Variants in TANGO6 observed in about 807,000 individuals in gnomAD.
TANGO6 encodes transport and Golgi organization protein 6 homolog.
TANGO6 carries 90 observed loss-of-function variants against 114.2 expected under a neutral mutation model. The ratio of observed to expected loss-of-function variants is 0.79; its 90% CI spans 0.66 to 0.94. TANGO6 has a LOEUF of 0.94. TANGO6 is among the 40% of genes least tolerant of loss of function. The probability of loss-of-function intolerance (pLI) is 0.00; values close to 1 mark genes in which losing one functional copy is unlikely to be tolerated. For synonymous variants in TANGO6, 477 were observed against 509.8 expected (o/e 0.94, Z 0.87); for missense variants, 1,274 against 1,315.3 (o/e 0.97, Z 0.49).
intron 15 of TANGO6, among the ~76,000 whole-genome samples, chr16:68,989,361 A>G (rs1033005125): frequency 1.3e-5 from 2 of 150,832 alleles, no homozygotes; most frequent in African/African-American, 2.4e-5. Flanking sequence ...ATCTATCTTT[A>G]GGTACATGGA....
chr16:68,919,031 T>C lies in TANGO6; in HGVS notation c.1993-54T>C, dbSNP rs1217411476. The C allele has an allele frequency of 5.1e-6, 8 of 1,563,188 alleles. No homozygotes were observed. The East Asian group carries it at 6.9e-5, about 13-fold the overall frequency. ...ATGTAGACATAAGATGTAAGGAGAA[T>C]TATGATTTTTTTTTTTCATTCCTCA... On this transcript the variant is annotated intron_variant, in intron 11 of 17. Transcript: ENST00000261778.
At chr16:69,009,909 AATT>A (rs1429042826) in intron 15 of TANGO6, among the ~76,000 whole-genome samples, 1 of 152,176 alleles carries the variant, frequency 6.6e-6, no homozygotes, top group Non-Finnish European at 1.5e-5. Flanking sequence ...GCTTGAAGTG[AATT>A]AAATTATTTC....
intron 1 of TANGO6, among the ~76,000 whole-genome samples, chr16:68,846,153 G>A (rs535980426): frequency 6.6e-6 from 1 of 152,200 alleles, no homozygotes; most frequent in South Asian, 2.1e-4. Context: ...AGCCTCCCGA[G>A]TAGCTGGGAT....
chr16:68,996,919 G>A (rs1262846785), intron 15 of TANGO6, among the ~76,000 whole-genome samples: 1 of 152,094 alleles, frequency 6.6e-6, no homozygotes, highest in Admixed American at 6.5e-5. Flanking sequence ...AAGATACACA[G>A]AAAAAGACTC....
At chr16:68,910,464 T>C (rs1317367395) in intron 11 of TANGO6, among the ~76,000 whole-genome samples, 3 of 152,122 alleles carry the variant, frequency 2.0e-5, no homozygotes, top group Admixed American at 6.6e-5. Flanking sequence ...GAAGGGGAAA[T>C]GGTCTAAAAA....
intron 11 of TANGO6, among the ~76,000 whole-genome samples, chr16:68,916,762 A>G (rs182109116): frequency 3.1e-4 from 47 of 152,084 alleles, no homozygotes; most frequent in African/African-American, 1.1e-3. Context: ...GTTTTTTTTT[A>G]GAGCAGTTTT....
At chr16:68,881,186 G>A (rs1962456756) in intron 7 of TANGO6, among the ~76,000 whole-genome samples, 1 of 152,144 alleles carries the variant, frequency 6.6e-6, no homozygotes, top group South Asian at 2.1e-4. Flanking sequence ...TCTCTAACTG[G>A]CAAATGCCGC....
At chr16:68,934,620 G>C (rs1338753736) in intron 14 of TANGO6, among the ~76,000 whole-genome samples, 3 of 152,154 alleles carry the variant, frequency 2.0e-5, no homozygotes, top group Non-Finnish European at 4.4e-5. Context: ...CATAAGTTGT[G>C]CTTATGGAAG....
intron 17 of TANGO6, among the ~76,000 whole-genome samples, chr16:69,058,870 GT>G (rs1004010659): frequency 4.1e-5 from 6 of 147,794 alleles, no homozygotes; most frequent in Non-Finnish European, 7.4e-5. Context: ...GTTTCACCGT[GT>G]TAGCCAGAAT....
Position 68,867,170 on chromosome 16 carries a change from G to C in TANGO6, c.944G>C (p.Arg315Thr), listed in dbSNP as rs1391252153. ...CAGCTGCTCTCTGAAAGGTTAATGAGACCTAATGGTGTTCAGGCAGTAGTC... is the reference window on the plus strand; with the variant it reads ...CAGCTGCTCTCTGAAAGGTTAATGACACCTAATGGTGTTCAGGCAGTAGTC... ...CGQLLSERLM[R>T]PNGVQAVVRG... The change falls in exon 4 of 18, where the codon AGA (arginine) becomes ACA (threonine). Residue 315 changes from arginine (R) to threonine (T), a missense_variant. By Grantham distance (71) the Arg-to-Thr change is moderately conservative. This residue lies in a region of TANGO6 where 908 missense variants were observed against 910.2 expected (regional missense o/e 1.00). Transcript: ENST00000261778. 6.2e-7 allele frequency: 1 copy of C among 1,613,744 alleles called. No homozygotes were observed. Among genetic ancestry groups the C allele is most frequent in the African/African-American group, 1.3e-5 (1 of 74,878 alleles).
At chr16:68,973,818 T>A in intron 14 of TANGO6, 2 of 584,674 alleles carry the variant, frequency 3.4e-6, no homozygotes, top group Admixed American at 6.0e-5. Flanking sequence ...CGTATCAGGC[T>A]GGGACTAGAC....
intron 4 of TANGO6, among the ~76,000 whole-genome samples, chr16:68,873,917 T>C (rs1596999144): frequency 6.6e-6 from 1 of 152,208 alleles, no homozygotes; most frequent in East Asian, 1.9e-4. Context: ...CTAAGTGTGT[T>C]GTACTAAGTG....
At chr16:69,056,794 A>G (rs1960038076) in intron 17 of TANGO6, among the ~76,000 whole-genome samples, 1 of 152,016 alleles carries the variant, frequency 6.6e-6, no homozygotes, top group Admixed American at 6.6e-5. Flanking sequence ...GTTACCAGTT[A>G]CAGTAACCCC....
At chr16:68,850,207 C>T (rs551698699) in intron 1 of TANGO6, among the ~76,000 whole-genome samples, 3 of 152,076 alleles carry the variant, frequency 2.0e-5, no homozygotes, top group East Asian at 1.9e-4. Context: ...CTCCTGACCT[C>T]GTGATCCACC....
chr16:68,974,982 T>C (rs1010359825), intron 15 of TANGO6, among the ~76,000 whole-genome samples: 1 of 151,886 alleles, frequency 6.6e-6, no homozygotes, highest in African/African-American at 2.4e-5. Context: ...CACCTGAGCC[T>C]GGGAGGTCGA....
At chr16:69,058,939 C>T (rs1960074951) in intron 17 of TANGO6, among the ~76,000 whole-genome samples, 2 of 146,620 alleles carry the variant, frequency 1.4e-5, no homozygotes, top group African/African-American at 5.1e-5. Flanking sequence ...CATAGTTTTG[C>T]TCTTGTCACC....
chr16:69,081,133 G>A (rs1015287093), intron 17 of TANGO6, among the ~76,000 whole-genome samples: 9 of 152,050 alleles, frequency 5.9e-5, no homozygotes, highest in East Asian at 1.9e-4. Flanking sequence ...GCACAATTCC[G>A]TCCCAAAAAT....
chr16:69,072,524 C>G (rs548230158), intron 17 of TANGO6, among the ~76,000 whole-genome samples: 9 of 152,202 alleles, frequency 5.9e-5, no homozygotes, highest in African/African-American at 2.2e-4. Context: ...GTATTCAGCC[C>G]CTGATCCATG....
intron 7 of TANGO6, among the ~76,000 whole-genome samples, chr16:68,890,737 T>TA (rs1282482753): frequency 2.0e-5 from 3 of 150,328 alleles, no homozygotes; most frequent in African/African-American, 7.4e-5. Context: ...ATGCAAAAAT[T>TA]AGGCCAGGCG....
Sources: allele counts gnomAD v4.1 joint callset (sites outside exome capture counted in the v4.1 genomes callset), GRCh38; gene constraint gnomAD v4.1.1; regional missense constraint gnomAD v4.1.1; transcripts MANE v1.5; gene names NCBI Gene and HGNC (gene_info 2026-07-23, HGNC 2026-07-21).